Variants in PAXIP1 observed in about 807,000 individuals in gnomAD.
PAXIP1 encodes PAX interacting protein 1.
In PAXIP1, 19 loss-of-function variants were observed where a neutral mutation model predicts 140.6. The ratio of observed to expected loss-of-function variants is 0.14; its 90% CI spans 0.09 to 0.20. The LOEUF is 0.20. Among genes scored for constraint, PAXIP1 ranks in the 10% least tolerant of loss-of-function variants. The pLI is 1.00. For missense variants in PAXIP1, 920 were observed against 1,208.6 expected (o/e 0.76, Z 3.54); for synonymous variants, 442 against 444.6 (o/e 0.99, Z 0.07).
In PAXIP1 at chr7:154,993,748, C is replaced by A. The variant is rs745532206; in HGVS notation, c.238G>T (p.Val80Phe). 2 of 1,591,342 alleles carry A rather than the reference C, an allele frequency of 1.3e-6. No homozygotes were observed. The highest frequency in any genetic ancestry group is 2.3e-5 in the East Asian group (1 of 43,914). Residue 80 changes from valine (V) to phenylalanine (F), a missense_variant, in exon 3 of 21, where the codon GTT becomes TTT. Transcript: ENST00000404141. Reference protein sequence around the residue: ...VVKPSWVILSVQCGTLLPVNG... With the variant: ...VVKPSWVILSFQCGTLLPVNG... ...TACGGCAGAAGAGTTCCACACTGAA[C>A]GGACAGAATCACCCAAGAAGGCTGA... is the stretch of plus-strand genomic sequence containing the variant.
intron 13 of PAXIP1, among the ~76,000 whole-genome samples, chr7:154,957,829 C>T (rs1453589907): frequency 3.3e-5 from 5 of 151,238 alleles, no homozygotes; most frequent in East Asian, 1.9e-4. Context: ...TAGCCGGGCG[C>T]GGTGGCAGGC....
intron 20 of PAXIP1, chr7:154,945,920 G>A: frequency 1.0e-6 from 1 of 985,352 alleles, no homozygotes. Flanking sequence ...TGTTGATGAA[G>A]TATTCATTCT....
rs368651251 is a variant in PAXIP1, at chr7:154,955,559, G to A, written c.2622C>T (p.Phe874=). 1.1e-5 allele frequency: 17 copies of A among 1,609,214 alleles called. No homozygotes were observed. Among genetic ancestry groups the A allele is most frequent in the Admixed American group, 3.4e-5 (2 of 59,108 alleles). The change falls in exon 15 of 21, where the codon TTC becomes TTT. Residue 874 remains phenylalanine, a synonymous_variant. Coordinates refer to ENST00000404141, the MANE Select transcript of PAXIP1 (RefSeq NM_007349.4). ...TATACTGTTGAACCTGGACAGGCTCGAATCCAGTGAAAAGCACAAAAGGGG... is the reference window on the plus strand; with the variant it reads ...TATACTGTTGAACCTGGACAGGCTCAAATCCAGTGAAAAGCACAAAAGGGG... ...ELTPFVLFTG[F]EPVQVQQYIK...
Position 154,959,939 on chromosome 7 carries a change from G to T in PAXIP1, c.2435-6C>A. ...TAAGGGAACTCTCCAAGCATCTAAA[G>T]AGAGAAACACATTATTTTTTATGAT... On this transcript the variant is annotated splice_region_variant and splice_polypyrimidine_tract_variant and intron_variant, in intron 12 of 20. Coordinates refer to ENST00000404141, the MANE Select transcript of PAXIP1 (RefSeq NM_007349.4). 6.3e-7 allele frequency: 1 copy of T among 1,589,374 alleles called. No individual in the cohort carries two copies. Among genetic ancestry groups the T allele is most frequent in the Non-Finnish European group, 8.6e-7 (1 of 1,158,306 alleles).
rs1810096893 is a variant in PAXIP1, at chr7:154,986,824, A to G, written c.325-3492T>C. The stretch of plus-strand genomic sequence containing the variant: ...CTGCGGGAAGTACAGTAAGTGACCC[A>G]CAAAGATCATGCTATTTCTGGATTC... On this transcript the variant is annotated intron_variant, in intron 4 of 20. Transcript: ENST00000404141. The surrounding 1 kb of genome is among the most constrained non-coding windows in gnomAD (Gnocchi z 4.8). Among the ~76,000 whole-genome samples the G allele has an allele frequency of 2.6e-5, 4 of 152,192 alleles. No homozygotes were observed. Among genetic ancestry groups the G allele is most frequent in the Non-Finnish European group, 2.9e-5 (2 of 68,034 alleles).
intron 16 of PAXIP1, chr7:154,951,737 T>A (rs536241470): frequency 6.6e-6 from 1 of 152,340 alleles, no homozygotes; most frequent in South Asian, 2.1e-4. Flanking sequence ...AACTGAAACT[T>A]GAAAAATTAA....
rs1807980269 is a variant in PAXIP1, at chr7:154,946,475, T to A, written c.3133+37A>T. On this transcript the variant is annotated intron_variant, in intron 19 of 20. Transcript: ENST00000404141. This position sits in a 1 kb window ranked among gnomAD's most constrained non-coding sequence, Gnocchi z 4.9. ...TTAGTTAGAGATCCACTGCTGTGCG[T>A]GCACACATACTCACACAGGTAAGCG... The A allele has an allele frequency of 6.9e-6, 11 of 1,605,192 alleles. No individual in the cohort carries two copies. The highest frequency in any genetic ancestry group is 1.3e-5 in the African/African-American group (1 of 74,890).
chr7:154,962,709 A>C (rs1162459122), intron 9 of PAXIP1: 2 of 331,800 alleles, frequency 6.0e-6, no homozygotes, highest in Non-Finnish European at 1.1e-5. Flanking sequence ...ACAACCTTAA[A>C]AATAACTTCA....
upstream of PAXIP1, chr7:155,003,146 C>G (rs1309299984): frequency 6.6e-6 from 1 of 150,982 alleles, no homozygotes; most frequent in Non-Finnish European, 1.5e-5. Flanking sequence ...GCGCGCCCTG[C>G]GGGACGCACC....
At position 155,002,834 on chromosome 7, in the gene PAXIP1, G is replaced by A; in HGVS notation, c.81+15C>T. 3.0e-6 allele frequency: 4 copies of A among 1,329,864 alleles called. No individual in the cohort carries two copies. Among genetic ancestry groups the A allele is most frequent in the Non-Finnish European group, 3.9e-6 (4 of 1,014,364 alleles). The allele number at this position is 1,329,864 out of a possible 1,614,324, so 82.4% of individuals were successfully genotyped here. A position where few individuals can be genotyped will look rare whatever the true frequency, so the allele number is the denominator to read the frequency against. ...CGGACGGGGGAGGAGGCCGCGGCAG[G>A]GGCGGGCGCGGTACCTGCGGGTCGA... On this transcript the variant is annotated intron_variant, in intron 1 of 20. Transcript: ENST00000404141.
At chr7:154,983,763 G>A in intron 4 of PAXIP1, 1 of 153,932 alleles carries the variant, frequency 6.5e-6, no homozygotes. Context: ...TATGCTAATG[G>A]ATAACAAATA....
intron 8 of PAXIP1, chr7:154,964,309 C>G (rs889557711): frequency 6.5e-6 from 1 of 153,424 alleles, no homozygotes; most frequent in African/African-American, 2.4e-5. Flanking sequence ...AGGAATTGCT[C>G]TGTGTCCGGG....
chr7:155,000,054 G>A (rs904637029), intron 1 of PAXIP1: 4 of 151,892 alleles, frequency 2.6e-5, no homozygotes, highest in Non-Finnish European at 5.9e-5. Context: ...AAGTGACATG[G>A]TGCCCACAAA....
At chr7:154,945,601 C>CT in intron 20 of PAXIP1, 10 of 976,164 alleles carry the variant, frequency 1.0e-5, no homozygotes, top group Non-Finnish European at 1.1e-5. Context: ...GTGGCAGAGG[C>CT]TCCCACCCTC....
rs1057184990 is a variant in PAXIP1, at chr7:154,963,531, C to T, written c.1989+140G>A. 1.6e-6 allele frequency: 1 copy of T among 616,244 alleles called. No homozygotes were observed. Among genetic ancestry groups the T allele is most frequent in the Non-Finnish European group, 2.9e-6 (1 of 342,404 alleles). The allele number at this position is 616,244 out of a possible 1,614,324, so 38.2% of individuals were successfully genotyped here. Reference sequence around the variant, plus strand: ...AAAGATATCAATCCCACCAAAGATTCGATCACAGGAAGAAGGAATTTTCCT... The same window carrying T: ...AAAGATATCAATCCCACCAAAGATTTGATCACAGGAAGAAGGAATTTTCCT... On this transcript the variant is annotated intron_variant, in intron 9 of 20. Transcript: ENST00000404141. This position sits in a 1 kb window ranked among gnomAD's most constrained non-coding sequence, Gnocchi z 4.1.
chr7:154,997,613 T>G (rs577747157), intron 2 of PAXIP1, among the ~76,000 whole-genome samples: 1 of 152,206 alleles, frequency 6.6e-6, no homozygotes, highest in African/African-American at 2.4e-5. Flanking sequence ...TTTAACAAAT[T>G]TTTAAAACAC....
In PAXIP1 at chr7:154,963,800, A is replaced by C. The variant is rs1384668749; in HGVS notation, c.1894-34T>G. The C allele has an allele frequency of 2.1e-6, 3 of 1,416,516 alleles. No homozygotes were observed. In the Admixed American group the frequency reaches 5.2e-5, roughly 24 times the overall value. 87.7% of individuals were successfully genotyped at this position (1,416,516 alleles called of 1,614,324 possible). On this transcript the variant is annotated intron_variant, in intron 8 of 20. Coordinates refer to ENST00000404141, the MANE Select transcript of PAXIP1 (RefSeq NM_007349.4). This position sits in a 1 kb window ranked among gnomAD's most constrained non-coding sequence, Gnocchi z 4.1. ...AAAGACCCGACCAATGCAGTCATCA[A>C]TCACTCAGAATAGAGGAGAATTCCA...
rs148418994 is a variant in PAXIP1, at chr7:154,983,141, A to G, written c.438+78T>C. 2,911 of 680,764 alleles carry G rather than the reference A, an allele frequency of 4.3e-3. 14 individuals carry two copies. Among genetic ancestry groups the G allele is most frequent in the Non-Finnish European group, 5.6e-3 (2,222 of 399,528 alleles). The allele number at this position is 680,764 out of a possible 1,614,324, so 42.2% of individuals were successfully genotyped here. A position where few individuals can be genotyped will look rare whatever the true frequency, so the allele number is the denominator to read the frequency against. ...AATGAAATATAATAACTAATTTAAA[A>G]GAAGCTCAAAAAAGACATGTGATTA... On this transcript the variant is annotated intron_variant, in intron 5 of 20. Coordinates refer to ENST00000404141, the MANE Select transcript of PAXIP1 (RefSeq NM_007349.4).
At chr7:154,983,532 A>G (rs531988167) in intron 4 of PAXIP1, 200 bp from the exon 5 acceptor site, 1 of 418,238 alleles carries the variant, frequency 2.4e-6, no homozygotes, top group Non-Finnish European at 4.2e-6. Flanking sequence ...ATAGTTTTAC[A>G]TATATGAATT....
Sources: allele counts gnomAD v4.1 joint callset (sites outside exome capture counted in the v4.1 genomes callset), GRCh38; gene constraint gnomAD v4.1.1; non-coding constraint Gnocchi (gnomAD v3.1); transcripts MANE v1.5; gene names NCBI Gene and HGNC (gene_info 2026-07-23, HGNC 2026-07-21).